ZC3H12B: variants seen among roughly 807,000 people sequenced by gnomAD.
ZC3H12B encodes probable ribonuclease ZC3H12B.
In ZC3H12B, 7 loss-of-function variants were observed where a neutral mutation model predicts 43.9. The observed-to-expected ratio is 0.16, with a 90% confidence interval of 0.09 to 0.30. ZC3H12B has a LOEUF of 0.30. Among genes scored for constraint, ZC3H12B ranks in the 10% least tolerant of loss-of-function variants. ZC3H12B has a pLI of 1.00. For synonymous variants in ZC3H12B, 222 were observed against 241.7 expected, an observed-to-expected ratio of 0.92 and a Z score of 0.76; for missense variants, 475 against 670.2, an observed-to-expected ratio of 0.71 and a Z score of 3.22.
the ZC3H12B span, among the ~76,000 whole-genome samples, chrX:65,213,773 G>A: frequency 2.2e-4 from 24 of 109,328 alleles, no homozygotes; most frequent in African/African-American, 7.6e-4. Flanking sequence ...CTGATTTGTA[G>A]GCATTCATTA....
At chrX:65,283,153 G>A in the ZC3H12B span, among the ~76,000 whole-genome samples, 4 of 111,102 alleles carry the variant, frequency 3.6e-5, no homozygotes, top group East Asian at 1.1e-3. Flanking sequence ...TCCCTGGGAT[G>A]CGAGGCTGGT....
the ZC3H12B span, among the ~76,000 whole-genome samples, chrX:65,360,250 A>C: frequency 8.9e-6 from 1 of 112,566 alleles, no homozygotes; most frequent in Non-Finnish European, 1.9e-5. Flanking sequence ...GCTTTCTTGT[A>C]GTGGTCTGGA....
intron 3 of ZC3H12B, among the ~76,000 whole-genome samples, chrX:65,459,645 C>A (rs1602483687): frequency 9.0e-6 from 1 of 111,723 alleles, no homozygotes; most frequent in African/African-American, 3.3e-5. Flanking sequence ...AGGCCTTTGA[C>A]AAAATTCAAC....
the ZC3H12B span, among the ~76,000 whole-genome samples, chrX:65,216,513 C>G: frequency 9.0e-6 from 1 of 111,420 alleles, no homozygotes; most frequent in East Asian, 2.8e-4. Flanking sequence ...TCCTGGGGCT[C>G]TAAATAAGTT....
chrX:65,174,664 T>C, the ZC3H12B span, among the ~76,000 whole-genome samples: 1 of 111,934 alleles, frequency 8.9e-6, no homozygotes, highest in Non-Finnish European at 1.9e-5. Context: ...CCGGCCTTCT[T>C]AGCACTGTCA....
chrX:65,170,531 G>A, the ZC3H12B span, among the ~76,000 whole-genome samples: 1 of 111,181 alleles, frequency 9.0e-6, no homozygotes, highest in African/African-American at 3.3e-5. Context: ...CTCTTCTCTA[G>A]GAGTATCTTT....
the ZC3H12B span, among the ~76,000 whole-genome samples, chrX:65,123,838 T>G: frequency 1.8e-5 from 2 of 109,681 alleles, no homozygotes; most frequent in Non-Finnish European, 3.8e-5. Flanking sequence ...GTAAATTAAT[T>G]TTTTATACTG....
At chrX:65,270,926 C>T in the ZC3H12B span, 2 of 111,607 alleles carry the variant, frequency 1.8e-5, no homozygotes, top group Non-Finnish European at 3.8e-5. Context: ...CTGGAGGCTA[C>T]AGGAAATGTT....
chrX:65,228,540 T>G, the ZC3H12B span, among the ~76,000 whole-genome samples: 47 of 110,529 alleles, frequency 4.3e-4, no homozygotes, highest in Non-Finnish European at 2.7e-4. Context: ...CCAGGGCAAT[T>G]AGGCAGGAGA....
chrX:65,287,218 A>G, the ZC3H12B span, among the ~76,000 whole-genome samples: 2 of 111,777 alleles, frequency 1.8e-5, no homozygotes, highest in Non-Finnish European at 3.8e-5. Context: ...ATTCTATTCA[A>G]CAACTGCAGA....
intron 2 of ZC3H12B, among the ~76,000 whole-genome samples, chrX:65,386,106 C>CT (rs1204089567): frequency 3.8e-4 from 43 of 111,779 alleles, no homozygotes; most frequent in Middle Eastern, 9.2e-3. Flanking sequence ...CTAAAATTCT[C>CT]TTTTTTTGTT....
the ZC3H12B span, among the ~76,000 whole-genome samples, chrX:65,150,414 A>G: frequency 9.0e-6 from 1 of 110,508 alleles, no homozygotes; most frequent in Non-Finnish European, 1.9e-5. Context: ...TATACAGAAC[A>G]TTCAGGTTTG....
At chrX:65,359,089 G>C in the ZC3H12B span, among the ~76,000 whole-genome samples, 9 of 110,910 alleles carry the variant, frequency 8.1e-5, no homozygotes, top group African/African-American at 2.9e-4. Context: ...CCATATAACA[G>C]CATATCTGTT....
chrX:65,212,616 T>C, the ZC3H12B span, among the ~76,000 whole-genome samples: 2 of 83,716 alleles, frequency 2.4e-5, no homozygotes, highest in Admixed American at 3.3e-4. Flanking sequence ...ACATATATGA[T>C]ATATAATATA....
chrX:65,371,792 A>T (rs766860583), intron 2 of ZC3H12B, among the ~76,000 whole-genome samples: 6 of 111,954 alleles, frequency 5.4e-5, no homozygotes, highest in Non-Finnish European at 9.4e-5. Flanking sequence ...ACTCAGGCAT[A>T]CAACAGAAAG....
At chrX:65,422,782 A>G (rs2067034278) in intron 3 of ZC3H12B, among the ~76,000 whole-genome samples, 2 of 110,311 alleles carry the variant, frequency 1.8e-5, no homozygotes, top group Non-Finnish European at 3.8e-5. Context: ...AGAACATGAG[A>G]TGTTTGGTTT....
chrX:65,460,799 G>A (rs1012713559), intron 3 of ZC3H12B, among the ~76,000 whole-genome samples: 89 of 111,413 alleles, frequency 8.0e-4, no homozygotes, highest in African/African-American at 2.6e-3. Context: ...ATAGGCATGG[G>A]CAAGGACTTC....
intron 2 of ZC3H12B, among the ~76,000 whole-genome samples, chrX:65,371,197 T>C (rs1324392142): frequency 1.8e-5 from 2 of 112,268 alleles, no homozygotes; most frequent in African/African-American, 6.5e-5. Flanking sequence ...ATAATACACA[T>C]TCACTTACAT....
chrX:65,217,376 A>G, the ZC3H12B span, among the ~76,000 whole-genome samples: 6 of 111,625 alleles, frequency 5.4e-5, no homozygotes, highest in African/African-American at 6.5e-5. Flanking sequence ...ACTGGAATAA[A>G]TGCCCAACTC....
Sources: gnomAD v4.1 joint callset for allele counts (sites outside exome capture counted in the v4.1 genomes callset) on GRCh38, gnomAD v4.1.1 for gene constraint, MANE v1.5 for transcripts, NCBI Gene and HGNC (gene_info 2026-07-23, HGNC 2026-07-21) for gene names.